ATP8A2: variants seen among roughly 807,000 people sequenced by gnomAD.
ATP8A2 encodes the protein ATPase phospholipid transporting 8A2, also known as phospholipid-transporting ATPase IB.
ATP8A2 carries 100 observed loss-of-function variants against 165.6 expected under a neutral mutation model. The ratio of observed to expected loss-of-function variants is 0.60; its 90% CI spans 0.51 to 0.71. The LOEUF is 0.71. Among genes scored for constraint, ATP8A2 ranks in the 30% least tolerant of loss-of-function variants. The pLI is 0.00. For synonymous variants in ATP8A2, 543 were observed against 548.8 expected, an observed-to-expected ratio of 0.99 and a Z score of 0.15; for missense variants, 1,227 against 1,479.5, an observed-to-expected ratio of 0.83 and a Z score of 2.80.
At chr13:25,679,674 G>A (rs9581420) in intron 24 of ATP8A2, among the ~76,000 whole-genome samples, 1 of 152,134 alleles carries the variant, frequency 6.6e-6, no homozygotes, top group African/African-American at 2.4e-5. Flanking sequence ...ATTTGAATAT[G>A]TTATTTTGAA....
At chr13:25,666,480 TC>T (rs1453291981) in intron 24 of ATP8A2, among the ~76,000 whole-genome samples, 1 of 152,144 alleles carries the variant, frequency 6.6e-6, no homozygotes, top group African/African-American at 2.4e-5. Context: ...CCTCAGGTGA[TC>T]CACCCACCTC....
At chr13:25,609,645 GTGGGATTAC>G in intron 24 of ATP8A2, among the ~76,000 whole-genome samples, 1 of 47,728 alleles carries the variant, frequency 2.1e-5, no homozygotes, top group Middle Eastern at 0.012. Flanking sequence ...ATACCCAGTA[GTGGGATTAC>G]TGGATCAAAT....
chr13:25,917,948 T>C (rs1400395250), intron 33 of ATP8A2, among the ~76,000 whole-genome samples: 1 of 152,214 alleles, frequency 6.6e-6, no homozygotes, highest in Non-Finnish European at 1.5e-5. Context: ...TATCAGAGAA[T>C]ACATTTTTGT....
chr13:25,937,362 CTTTTTTTT>C (rs1555293658), intron 33 of ATP8A2, among the ~76,000 whole-genome samples: 1 of 38,798 alleles, frequency 2.6e-5, no homozygotes, highest in Non-Finnish European at 5.5e-5. Context: ...TTCTTTCTTT[CTTTTTTTT>C]TTTTTTTTTG....
intron 1 of ATP8A2, among the ~76,000 whole-genome samples, chr13:25,391,996 G>T (rs1406543042): frequency 6.6e-6 from 1 of 152,224 alleles, no homozygotes; most frequent in Non-Finnish European, 1.5e-5. Context: ...AGGTGGATGG[G>T]CAAAGGCAGC....
chr13:25,943,958 ATTACGTTTATTGTTTTAAACTG>A (rs768958145), intron 33 of ATP8A2, among the ~76,000 whole-genome samples: 13 of 152,224 alleles, frequency 8.5e-5, no homozygotes, highest in Non-Finnish European at 1.5e-4. Flanking sequence ...CAGTCCAGTT[ATTACGTTTATTGTTTTAAACTG>A]TTACATTTTA....
chr13:25,668,393 G>A (rs2042198504), intron 24 of ATP8A2, among the ~76,000 whole-genome samples: 2 of 152,172 alleles, frequency 1.3e-5, no homozygotes, highest in South Asian at 4.1e-4. Context: ...ATTGGCAGTT[G>A]ATTTTATTAA....
At chr13:25,759,601 T>A (rs2044338646) in intron 25 of ATP8A2, among the ~76,000 whole-genome samples, 1 of 152,104 alleles carries the variant, frequency 6.6e-6, no homozygotes, top group African/African-American at 2.4e-5. Context: ...GGAAGCAGAG[T>A]ATCAAATTAA....
At chr13:25,428,733 A>G (rs1337335906) in intron 1 of ATP8A2, among the ~76,000 whole-genome samples, 1 of 152,208 alleles carries the variant, frequency 6.6e-6, no homozygotes, top group African/African-American at 2.4e-5. Flanking sequence ...CATGTTGCTC[A>G]TAGAATGGCT....
At chr13:25,594,137 TTGAG>T (rs1157641381) in intron 24 of ATP8A2, among the ~76,000 whole-genome samples, 2 of 152,230 alleles carry the variant, frequency 1.3e-5, no homozygotes, top group African/African-American at 2.4e-5. Context: ...ACTAAGAATC[TTGAG>T]TAAGAGAATA....
At chr13:25,984,309 G>A (rs939929751) in intron 35 of ATP8A2, among the ~76,000 whole-genome samples, 8 of 151,944 alleles carry the variant, frequency 5.3e-5, no homozygotes, top group African/African-American at 1.9e-4. Context: ...AAGGTGCTAA[G>A]AGGGTAGGTT....
intron 2 of ATP8A2, among the ~76,000 whole-genome samples, chr13:25,516,781 T>A (rs1005011119): frequency 8.7e-5 from 13 of 150,008 alleles, no homozygotes; most frequent in African/African-American, 3.2e-4. Flanking sequence ...CTTTCTTTCT[T>A]ACTTTTTTTT....
intron 24 of ATP8A2, among the ~76,000 whole-genome samples, chr13:25,632,714 T>G (rs2041272136): frequency 6.6e-6 from 1 of 152,178 alleles, no homozygotes. Context: ...AATCCTGAGC[T>G]GCTCTGTGGG....
chr13:25,548,746 G>GA (rs2038728721), intron 10 of ATP8A2, among the ~76,000 whole-genome samples: 2 of 152,114 alleles, frequency 1.3e-5, no homozygotes, highest in African/African-American at 4.8e-5. Context: ...AAGTAAAAGG[G>GA]AAAAAATAGA....
At chr13:25,723,209 G>T (rs2043419600) in intron 25 of ATP8A2, among the ~76,000 whole-genome samples, 1 of 152,152 alleles carries the variant, frequency 6.6e-6, no homozygotes, top group Non-Finnish European at 1.5e-5. Flanking sequence ...TTAGTAGTGG[G>T]GAGTGGGCAT....
At chr13:25,961,216 T>C (rs2139184532) in intron 33 of ATP8A2, among the ~76,000 whole-genome samples, 1 of 152,322 alleles carries the variant, frequency 6.6e-6, no homozygotes, top group East Asian at 1.9e-4. Context: ...GATGAGTGAA[T>C]GGAGGAGCCT....
At chr13:25,539,383 G>A (rs570544318) in intron 7 of ATP8A2, among the ~76,000 whole-genome samples, 48 of 151,924 alleles carry the variant, frequency 3.2e-4, no homozygotes, top group African/African-American at 1.2e-3. Flanking sequence ...AAAGTGCTGG[G>A]GTTACAAGCG....
chr13:25,962,289 A>G (rs911228578), intron 34 of ATP8A2, among the ~76,000 whole-genome samples: 2 of 152,156 alleles, frequency 1.3e-5, no homozygotes, highest in African/African-American at 4.8e-5. Context: ...AAATTACAAG[A>G]ATGAAGTACT....
chr13:25,665,068 G>A (rs79919345), intron 24 of ATP8A2, among the ~76,000 whole-genome samples: 4,462 of 152,164 alleles, frequency 0.029, 122 homozygotes, highest in East Asian at 0.13. Flanking sequence ...GATGTACAAG[G>A]CAGCAGAAGC....
Sources: gnomAD v4.1 joint callset for allele counts (sites outside exome capture counted in the v4.1 genomes callset) on GRCh38, gnomAD v4.1.1 for gene constraint, MANE v1.5 for transcripts, NCBI Gene and HGNC (gene_info 2026-07-23, HGNC 2026-07-21) for gene names.